NBEAL2: variants seen among roughly 807,000 people sequenced by gnomAD.
NBEAL2 encodes the protein neurobeachin like 2, also known as neurobeachin-like protein 2.
A neutral mutation model predicts 299.8 loss-of-function variants in NBEAL2; 160 were observed. That is an observed-to-expected ratio of 0.53 (90% CI 0.47 to 0.61). The LOEUF (loss-of-function observed/expected upper bound fraction) is 0.61. Ranked by LOEUF, NBEAL2 falls within the 20% of genes least tolerant of loss-of-function variation. The probability of loss-of-function intolerance (pLI) is 0.00; values close to 1 mark genes in which losing one functional copy is unlikely to be tolerated. For synonymous variants in NBEAL2, 1,493 were observed against 1,542.3 expected, an observed-to-expected ratio of 0.97 and a Z score of 0.75; for missense variants, 3,112 against 3,649.0, an observed-to-expected ratio of 0.85 and a Z score of 3.79.
At position 46,989,268 on chromosome 3, in the gene NBEAL2, A is replaced by G. The variant is rs755747200; in HGVS notation, c.360A>G (p.Gly120=). The G allele has an allele frequency of 2.5e-6, 4 of 1,611,746 alleles. No homozygotes were observed. The African/African-American group carries it at 4.0e-5, about 16-fold the overall frequency. The change falls in exon 5 of 54, where the codon GGA becomes GGG. Residue 120 remains glycine (G), a synonymous_variant. Transcript: ENST00000450053. The surrounding 1 kb of genome is among the most constrained non-coding windows in gnomAD (Gnocchi z 5.5). The part of the protein sequence containing the change: ...LLTKLVAELK[G]CPPPQGRGTQ... ...TCTCCCCACACCTACAGCTGAAAGG[A>G]TGCCCACCACCCCAGGGCCGAGGCA...
rs1160549466 is a variant in NBEAL2, at chr3:46,995,163, G to A, written c.1428G>A (p.Arg476=). 1.3e-6 allele frequency: 2 copies of A among 1,569,536 alleles called. No homozygotes were observed. Among genetic ancestry groups the A allele is most frequent in the Non-Finnish European group, 1.7e-6 (2 of 1,157,748 alleles). ...GGCTCTTCCTAGCGCAACGCCTCAG[G>A]TGGCTCTGTGACAGCTGCCCTGCCA... ...ELRLFLAQRL[R]WLCDSCPASR... The change falls in exon 13 of 54, where the codon AGG becomes AGA. Residue 476 remains arginine, a synonymous_variant. Coordinates refer to ENST00000450053, the MANE Select transcript of NBEAL2 (RefSeq NM_015175.3).
rs1575600569 is a variant in NBEAL2 at position 46,995,853 on chromosome 3, C to T, written c.2031+7C>T. ...CTTTGCCGACTCTGCCTGGGTGAGA[C>T]CCCATCCTTCTCATGTGGCCCAGTA... On this transcript the variant is annotated splice_region_variant and intron_variant, in intron 14 of 53. Transcript: ENST00000450053. The T allele has an allele frequency of 3.5e-5, 56 of 1,613,662 alleles. No homozygotes were observed. The highest frequency in any genetic ancestry group is 4.6e-5 in the Non-Finnish European group (54 of 1,179,852).
Position 46,989,543 on chromosome 3 carries a change from A to G in NBEAL2, c.506A>G (p.Tyr169Cys). 6.3e-7 allele frequency: 1 copy of G among 1,597,924 alleles called. No homozygotes were observed. Residue 169 changes from tyrosine (Y) to cysteine (C), a missense_variant, in exon 6 of 54, where the codon TAC becomes TGC. Tyr to Cys is a radical substitution (Grantham distance 194, BLOSUM62 -2). Coordinates refer to ENST00000450053, the MANE Select transcript of NBEAL2 (RefSeq NM_015175.3). The surrounding 1 kb of genome is among the most constrained non-coding windows in gnomAD (Gnocchi z 5.5). The stretch of plus-strand genomic sequence containing the variant: ...ATCAGCTCCAAGGAGAAGAGCAAAT[A>G]CAAGTTCCCTCCTGCTGCTTTGCCC... ...EVISSKEKSK[Y>C]KFPPAALPQE... is the part of the protein sequence containing the mutation.
In NBEAL2 at chr3:47,008,292, G is replaced by A. The variant is rs1173192896; in HGVS notation, c.7729G>A (p.Val2577Met). 1.9e-6 allele frequency: 3 copies of A among 1,613,160 alleles called. No homozygotes were observed. Among genetic ancestry groups the A allele is most frequent in the Admixed American group, 1.7e-5 (1 of 59,886 alleles). ...AGTTGCCTTCCTGCAGGATGGAACT[G>A]TGATCATACACACTGTACGCCGCGG... ...MAVSGSEDGT[V>M]IIHTVRRGQF... The change falls in exon 51 of 54, where the codon GTG (valine) becomes ATG (methionine). Residue 2577 changes from valine (V) to methionine (M), a missense_variant. By Grantham distance (21) the Val-to-Met change is conservative. Transcript: ENST00000450053.
chr3:46,995,246 C>G lies in NBEAL2; in HGVS notation c.1511C>G (p.Thr504Arg). 6.4e-7 allele frequency: 1 copy of G among 1,557,300 alleles called. No homozygotes were observed. Among genetic ancestry groups the G allele is most frequent in the Non-Finnish European group, 8.7e-7 (1 of 1,151,100 alleles). The stretch of plus-strand genomic sequence containing the variant: ...GGCTGCCTGTTGGAGACACTCAGCA[C>G]AGGGCTAGCCCTGGAGGCCCGCTGC... ...LVGCLLETLS[T>R]GLALEARCQE... The change falls in exon 13 of 54, where the codon ACA becomes AGA. Residue 504 changes from threonine (T) to arginine (R), a missense_variant. Physicochemically the swap from Thr to Arg is moderately conservative, Grantham distance 71 (BLOSUM62 -1). Coordinates refer to ENST00000450053, the MANE Select transcript of NBEAL2 (RefSeq NM_015175.3).
rs2036604899 is a variant in NBEAL2, at chr3:46,997,682, C to G, written c.2946C>G (p.Ala982=). The G allele has an allele frequency of 1.1e-5, 17 of 1,539,296 alleles. No homozygotes were observed. The highest frequency in any genetic ancestry group is 1.5e-5 in the Non-Finnish European group (17 of 1,139,680). ...VQCQGPAIIG[A]LLRKVPSWAM... is the part of the protein sequence containing the mutation. Reference sequence around the variant, plus strand: ...GCCAGGGGCCTGCCATCATCGGGGCCCTCCTGCGAAAGGTGGGGCCCGGTG... The same window carrying G: ...GCCAGGGGCCTGCCATCATCGGGGCGCTCCTGCGAAAGGTGGGGCCCGGTG... The change falls in exon 20 of 54, where the codon GCC becomes GCG. Residue 982 remains alanine (A), a synonymous_variant. Coordinates refer to ENST00000450053, the MANE Select transcript of NBEAL2 (RefSeq NM_015175.3).
At chr3:46,998,442 C>A in intron 21 of NBEAL2, 21 bp from the exon 22 acceptor site, 1 of 1,601,566 alleles carries the variant, frequency 6.2e-7, no homozygotes, top group Non-Finnish European at 8.5e-7. Flanking sequence ...TGGCCTGAGC[C>A]CTCTGCTCAT....
At position 46,999,482 on chromosome 3, in the gene NBEAL2, C is replaced by G. The variant is rs1399121171; in HGVS notation, c.3703+8C>G. The G allele has an allele frequency of 1.3e-6, 2 of 1,579,490 alleles. No homozygotes were observed. Among genetic ancestry groups the G allele is most frequent in the African/African-American group, 2.7e-5 (2 of 73,906 alleles). On this transcript the variant is annotated splice_region_variant and intron_variant, in intron 25 of 53. Coordinates refer to ENST00000450053, the MANE Select transcript of NBEAL2 (RefSeq NM_015175.3). The stretch of plus-strand genomic sequence containing the variant: ...AGCTGTTCCTGGGGGCAGGTACAAC[C>G]TGGTTAAGGCCAAGTGGAGGGGGTG...
Position 46,997,254 on chromosome 3 carries a change from C to A in NBEAL2, c.2650-5C>A, listed in dbSNP as rs765837585. 1.2e-6 allele frequency: 2 copies of A among 1,612,402 alleles called. No individual in the cohort carries two copies. Among genetic ancestry groups the A allele is most frequent in the African/African-American group, 1.3e-5 (1 of 75,010 alleles). On this transcript the variant is annotated splice_polypyrimidine_tract_variant and splice_region_variant and intron_variant, in intron 18 of 53. Coordinates refer to ENST00000450053, the MANE Select transcript of NBEAL2 (RefSeq NM_015175.3). ...TCCCCCTCACTGCCATCCTCCTTCC[C>A]CCAGGATGTGGTGAACTGCGTTGGG... is the stretch of plus-strand genomic sequence containing the variant.
chr3:46,994,917 G>A, intron 12 of NBEAL2, 115 bp from the exon 13 acceptor site: 8 of 1,397,786 alleles, frequency 5.7e-6, no homozygotes, highest in Non-Finnish European at 7.6e-6. Context: ...CTGTGGGCAG[G>A]ATGGAGTAGA....
chr3:46,988,808 G>GTCCTCAGCACCCGTGTCTCCCCTT lies in NBEAL2; in HGVS notation c.141-29_141-6dup. 6.2e-7 allele frequency: 1 copy of GTCCTCAGCACCCGTGTCTCCCCTT among 1,603,774 alleles called. No individual in the cohort carries two copies. Among genetic ancestry groups the GTCCTCAGCACCCGTGTCTCCCCTT allele is most frequent in the African/African-American group, 1.3e-5 (1 of 74,852 alleles). On this transcript the variant is annotated intron_variant, in intron 2 of 53. Transcript: ENST00000450053. The surrounding 1 kb of genome is among the most constrained non-coding windows in gnomAD (Gnocchi z 4.4). ...AGGGACAGAGCAGGGAGATTGAGGG[G>GTCCTCAGCACCCGTGTCTCCCCTT]TCCTCAGCACCCGTGTCTCCCCTTT...
rs899411883 is a variant in NBEAL2 at position 46,991,036 on chromosome 3, A to T, written c.557-183A>T. ...GGTTGTCCCTTTCAGGCCCTCTACT[A>T]TACAGCCATAACTCCTTAGATGCCC... On this transcript the variant is annotated intron_variant, in intron 6 of 53. Coordinates refer to ENST00000450053, the MANE Select transcript of NBEAL2 (RefSeq NM_015175.3). This position sits in a 1 kb window ranked among gnomAD's most constrained non-coding sequence, Gnocchi z 6.2. 1.3e-5 allele frequency among the ~76,000 whole-genome samples: 2 copies of T among 152,028 alleles called. No homozygotes were observed. The highest frequency in any genetic ancestry group is 1.3e-4 in the Admixed American group (2 of 15,270).
chr3:47,007,103 T>TC lies in NBEAL2; in HGVS notation c.7177dup (p.His2393ProfsTer34), dbSNP rs777281965. The TC allele has an allele frequency of 1.2e-6, 2 of 1,613,202 alleles. No individual in the cohort carries two copies. The highest frequency in any genetic ancestry group is 2.7e-5 in the African/African-American group (2 of 74,868). ...GGTGTACCCCTGGTGCTAGCCCTGG[T>TC]CCCCCACCGGCAGCCCCACTCCTTC... On this transcript the variant is annotated frameshift_variant, in exon 46 of 54. Transcript: ENST00000450053. LOFTEE classifies it high-confidence loss of function.
In NBEAL2 at chr3:47,007,905, C is replaced by A. The variant is rs779074800; in HGVS notation, c.7597C>A (p.His2533Asn). The A allele has an allele frequency of 6.2e-7, 1 of 1,612,208 alleles. No homozygotes were observed. The highest frequency in any genetic ancestry group is 8.5e-7 in the Non-Finnish European group (1 of 1,179,286). Reference protein sequence around the residue: ...DTTCMVWRLLHQGGLSVGLAP... With the variant: ...DTTCMVWRLLNQGGLSVGLAP... ...CACGTGCATGGTGTGGCGGCTCCTGCATCAGGTGTGCCTCGTGGGCAGCTC... is the reference window on the plus strand; with the variant it reads ...CACGTGCATGGTGTGGCGGCTCCTGAATCAGGTGTGCCTCGTGGGCAGCTC... Residue 2533 changes from histidine (H) to asparagine (N), a missense_variant, in exon 49 of 54, where the codon CAT becomes AAT. His to Asn is a moderately conservative substitution (Grantham distance 68). This residue lies in a region of NBEAL2 where 348 missense variants were observed against 381.4 expected (regional missense o/e 0.91). Coordinates refer to ENST00000450053, the MANE Select transcript of NBEAL2 (RefSeq NM_015175.3).
rs374608720 is a variant in NBEAL2 at position 46,996,352 on chromosome 3, G to A, written c.2233G>A (p.Ala745Thr). ...TTGLPTPPVP[A>T]TLAYTHPALT... ...AGGGCTGCCCACACCACCAGTCCCC[G>A]CCACCCTGGCCTACACTCACCCCGC... is the stretch of plus-strand genomic sequence containing the variant. Residue 745 changes from alanine to threonine, a missense_variant, in exon 16 of 54, where the codon GCC becomes ACC. Around this residue, in one of 3 missense-constraint regions of NBEAL2, gnomAD observed 2,243 missense variants for 2,538.1 expected, o/e 0.88. Coordinates refer to ENST00000450053, the MANE Select transcript of NBEAL2 (RefSeq NM_015175.3). 46 of 1,612,226 alleles carry A rather than the reference G, an allele frequency of 2.9e-5. No individual in the cohort carries two copies. Among genetic ancestry groups the A allele is most frequent in the Admixed American group, 1.0e-4 (6 of 60,008 alleles).
At position 47,004,329 on chromosome 3, in the gene NBEAL2, C is replaced by T. The variant is rs543158101; in HGVS notation, c.6134C>T (p.Pro2045Leu). 6 of 1,610,120 alleles carry T rather than the reference C, an allele frequency of 3.7e-6. No homozygotes were observed. The South Asian group carries it at 6.6e-5, about 18-fold the overall frequency. Residue 2045 changes from proline (P) to leucine (L), a missense_variant, in exon 37 of 54, where the codon CCC (proline) becomes CTC (leucine). By Grantham distance (98) the Pro-to-Leu change is moderately conservative (BLOSUM62 -3). This residue lies in a region of NBEAL2 where 521 missense variants were observed against 729.6 expected (regional missense o/e 0.71). Coordinates refer to ENST00000450053, the MANE Select transcript of NBEAL2 (RefSeq NM_015175.3). The surrounding 1 kb of genome is among the most constrained non-coding windows in gnomAD (Gnocchi z 5.0). The stretch of plus-strand genomic sequence containing the variant: ...TCGTGGCTCCTGCGCCTACGGCCCC[C>T]CTCTCAAGGCTACCTAAGCAGCCGC... ...VYSWLLRLRP[P>L]SQGYLSSRSP...
chr3:46,995,987 T>C lies in NBEAL2; in HGVS notation c.2087T>C (p.Val696Ala). 3 of 1,613,078 alleles carry C rather than the reference T, an allele frequency of 1.9e-6. No homozygotes were observed. Among genetic ancestry groups the C allele is most frequent in the Non-Finnish European group, 2.5e-6 (3 of 1,179,704 alleles). The change falls in exon 15 of 54, where the codon GTC (valine) becomes GCC (alanine). Residue 696 changes from valine to alanine, a missense_variant. This residue lies in a region of NBEAL2 where 2,243 missense variants were observed against 2,538.1 expected (regional missense o/e 0.88). Coordinates refer to ENST00000450053, the MANE Select transcript of NBEAL2 (RefSeq NM_015175.3). The stretch of plus-strand genomic sequence containing the variant: ...CGCCGGCCCTTCAGCCAGAACCTGG[T>C]CCATGTCTACAAAGACGGCCATCTG... ...PGRRPFSQNL[V>A]HVYKDGHLVK...
rs2037192083 is a variant in NBEAL2, at chr3:47,003,557, C to T, written c.5720+248C>T. ...AACACAAACCAGAGCAGGAAGGGGG[C>T]CCAGGGAGTGGGCAGGGGCTGGGTG... On this transcript the variant is annotated intron_variant, in intron 35 of 53. Transcript: ENST00000450053. The surrounding 1 kb of genome is among the most constrained non-coding windows in gnomAD (Gnocchi z 7.0). Among the ~76,000 whole-genome samples, 1 of 152,072 alleles carries T rather than the reference C, an allele frequency of 6.6e-6. No individual in the cohort carries two copies. The highest frequency in any genetic ancestry group is 1.5e-5 in the Non-Finnish European group (1 of 68,008).
chr3:46,998,430 A>G, intron 21 of NBEAL2, 33 bp from the exon 22 acceptor site: 1 of 1,588,108 alleles, frequency 6.3e-7, no homozygotes, highest in Non-Finnish European at 8.6e-7. Flanking sequence ...AGCTCAGCCT[A>G]GTGGCCTGAG....
Sources: allele counts gnomAD v4.1 joint callset (sites outside exome capture counted in the v4.1 genomes callset), GRCh38; gene constraint gnomAD v4.1.1; regional missense constraint gnomAD v4.1.1; non-coding constraint Gnocchi (gnomAD v3.1); transcripts MANE v1.5; gene names NCBI Gene and HGNC (gene_info 2026-07-23, HGNC 2026-07-21).